PLSCR1: variants seen among roughly 807,000 people sequenced by gnomAD.
The protein encoded by PLSCR1 is phospholipid scramblase 1, also known as PL scramblase 1.
PLSCR1 carries 17 observed loss-of-function variants against 37.8 expected under a neutral mutation model. That is an observed-to-expected ratio of 0.45 (90% CI 0.31 to 0.68). The LOEUF (loss-of-function observed/expected upper bound fraction) is 0.68. Ranked by LOEUF, PLSCR1 falls within the 30% of genes least tolerant of loss-of-function variation. PLSCR1 has a pLI of 0.06. For synonymous variants in PLSCR1, 116 were observed against 125.9 expected (o/e 0.92, Z 0.53); for missense variants, 347 against 380.9 (o/e 0.91, Z 0.74).
chr3:146,540,896 TG>T (rs937373106), intron 1 of PLSCR1: 13 of 152,178 alleles, frequency 8.5e-5, no homozygotes, highest in African/African-American at 3.1e-4. Flanking sequence ...CCATGTCATT[TG>T]GGTTATGTTT....
chr3:146,543,793 G>A (rs2587007), intron 1 of PLSCR1, among the ~76,000 whole-genome samples: 32,842 of 152,136 alleles, frequency 0.22, 3,796 homozygotes, highest in African/African-American at 0.31. Context: ...CAATTTCAGA[G>A]ATGAGGCAAT....
intron 3 of PLSCR1, 118 bp downstream of exon 3, chr3:146,533,352 A>C: frequency 2.1e-6 from 1 of 487,084 alleles, no homozygotes. Context: ...AAAAAGAACT[A>C]CTAAAATAAA....
Position 146,528,816 on chromosome 3 carries a change from C to A in PLSCR1, c.110G>T (p.Ser37Ile). ...GCTGACCTGGGGCCCAGGGTAGCCA[C>A]TATATCCTGGAGGTCCTGAAATACA... The part of the protein sequence containing the change: ...PTAFQGPPGY[S>I]GYPGPQVSYP... Residue 37 changes from serine (S) to isoleucine (I), a missense_variant, in exon 4 of 9, where the codon AGT (serine) becomes ATT (isoleucine). Ser to Ile is a moderately radical substitution (Grantham distance 142). Coordinates refer to ENST00000342435, the MANE Select transcript of PLSCR1 (RefSeq NM_021105.3). 1 of 1,613,512 alleles carries A rather than the reference C, an allele frequency of 6.2e-7. No individual in the cohort carries two copies. Among genetic ancestry groups the A allele is most frequent in the Non-Finnish European group, 8.5e-7 (1 of 1,179,646 alleles).
chr3:146,526,139 C>T (rs1210249752), intron 4 of PLSCR1, among the ~76,000 whole-genome samples: 4 of 134,018 alleles, frequency 3.0e-5, no homozygotes, highest in Admixed American at 1.7e-4. Flanking sequence ...GCCGAGATCG[C>T]GCTACTGCAC....
chr3:146,526,183 CAAAAAAAAAA>C (rs60229241), intron 4 of PLSCR1, among the ~76,000 whole-genome samples: 1 of 42,822 alleles, frequency 2.3e-5, no homozygotes, highest in African/African-American at 9.7e-5. Context: ...GACTCCATCT[CAAAAAAAAAA>C]AAAAAAAAAA....
Position 146,533,559 on chromosome 3 carries a change from CA to C in PLSCR1, c.14-10del. 1 of 1,561,568 alleles carries C rather than the reference CA, an allele frequency of 6.4e-7. No individual in the cohort carries two copies. ...AGCATTCATCTGTGAGTCTGCAATT[CA>C]AGGAGAGGTAAATAGATGTCTGATT... On this transcript the variant is annotated splice_polypyrimidine_tract_variant and intron_variant, in intron 2 of 8. Transcript: ENST00000342435.
chr3:146,517,102 T>G lies in PLSCR1; in HGVS notation c.804A>C (p.Arg268Ser). ...KISKHWTGIL[R>S]EAFTDADNFG... ...AGTTATCAGCGTCTGTAAATGCCTCTCTCAAAATTCCAGTCCAGTGCTTGG... is the reference window on the plus strand; with the variant it reads ...AGTTATCAGCGTCTGTAAATGCCTCGCTCAAAATTCCAGTCCAGTGCTTGG... Residue 268 changes from arginine to serine, a missense_variant, in exon 8 of 9, where the codon AGA (arginine) becomes AGC (serine). By Grantham distance (110) the Arg-to-Ser change is moderately radical. Transcript: ENST00000342435. 1 of 1,600,908 alleles carries G rather than the reference T, an allele frequency of 6.2e-7. No individual in the cohort carries two copies. The highest frequency in any genetic ancestry group is 8.5e-7 in the Non-Finnish European group (1 of 1,172,556).
At chr3:146,521,471 T>C (rs1408655480) in intron 7 of PLSCR1, 73 bp downstream of exon 7, 1 of 1,292,110 alleles carries the variant, frequency 7.7e-7, no homozygotes, top group Non-Finnish European at 1.1e-6. Flanking sequence ...TTAATGCATT[T>C]ATAATGTCCT....
chr3:146,521,850 GACA>G lies in PLSCR1; in HGVS notation c.556_558del (p.Cys186del). 3 of 1,612,236 alleles carry G rather than the reference GACA, an allele frequency of 1.9e-6. No homozygotes were observed. The highest frequency in any genetic ancestry group is 8.5e-7 in the Non-Finnish European group (1 of 1,178,398). On this transcript the variant is annotated inframe_deletion, in exon 6 of 9. Coordinates refer to ENST00000342435, the MANE Select transcript of PLSCR1 (RefSeq NM_021105.3). Reference sequence around the variant, plus strand: ...TCACAGACCTCCTGAAGGCAGCAGGGACAACAACAGCTGCTACATCTTAGTGGT... The same window carrying G: ...TCACAGACCTCCTGAAGGCAGCAGGGACAACAGCTGCTACATCTTAGTGGT...
At position 146,539,866 on chromosome 3, in the gene PLSCR1, A is replaced by G. The variant is rs187646726; in HGVS notation, c.-13-3301T>C. On this transcript the variant is annotated intron_variant, in intron 1 of 8. Coordinates refer to ENST00000342435, the MANE Select transcript of PLSCR1 (RefSeq NM_021105.3). ...AATGTTAAGTGTTCCTTGTACCTGT[A>G]CATGTGCCAAGTAGATAAGGCACTG... Among the ~76,000 whole-genome samples the G allele has an allele frequency of 2.6e-3, 396 of 152,320 alleles. 2 individuals are homozygous for G. Among genetic ancestry groups the G allele is most frequent in the East Asian group, 7.4e-3 (38 of 5,170 alleles).
At chr3:146,529,377 G>A (rs1013816514) in intron 3 of PLSCR1, among the ~76,000 whole-genome samples, 11 of 152,128 alleles carry the variant, frequency 7.2e-5, no homozygotes, top group Admixed American at 6.5e-4. Context: ...AGATAATACT[G>A]CATCTGGTGG....
chr3:146,521,171 A>C (rs896184395), intron 7 of PLSCR1, among the ~76,000 whole-genome samples: 4 of 152,202 alleles, frequency 2.6e-5, no homozygotes, highest in Non-Finnish European at 4.4e-5. Context: ...GCATTGGCAG[A>C]TGATATTTCA....
chr3:146,519,584 G>A (rs431840), intron 7 of PLSCR1, among the ~76,000 whole-genome samples: 61,280 of 151,514 alleles, frequency 0.4, 13,585 homozygotes, highest in African/African-American at 0.58. Flanking sequence ...TTCAATTACT[G>A]TCTGTTTGCT....
At chr3:146,540,965 T>C (rs2044330613) in intron 1 of PLSCR1, 1 of 152,270 alleles carries the variant, frequency 6.6e-6, no homozygotes, top group Middle Eastern at 3.4e-3. Flanking sequence ...GGAAAAATAT[T>C]CATCTGTTGA....
intron 1 of PLSCR1, among the ~76,000 whole-genome samples, chr3:146,540,602 AT>A (rs2044326475): frequency 6.6e-6 from 1 of 152,198 alleles, no homozygotes; most frequent in Non-Finnish European, 1.5e-5. Flanking sequence ...CCCACACCAG[AT>A]TTGGATTATT....
At chr3:146,534,226 C>T (rs1323211061) in intron 2 of PLSCR1, among the ~76,000 whole-genome samples, 2 of 152,120 alleles carry the variant, frequency 1.3e-5, no homozygotes, top group Non-Finnish European at 2.9e-5. Flanking sequence ...TCTAGTCATT[C>T]GGTTACCTAC....
At chr3:146,524,550 T>C (rs1431704943) in intron 5 of PLSCR1, among the ~76,000 whole-genome samples, 1 of 151,756 alleles carries the variant, frequency 6.6e-6, no homozygotes, top group Admixed American at 6.6e-5. Flanking sequence ...ATAAAGCCTA[T>C]AAATCTACAA....
intron 7 of PLSCR1, 30 bp downstream of exon 7, chr3:146,521,514 A>G (rs2044019179): frequency 6.3e-7 from 1 of 1,588,300 alleles, no homozygotes; most frequent in Non-Finnish European, 8.6e-7. Context: ...TTAGGAAAGC[A>G]AATCTTATAA....
At position 146,525,614 on chromosome 3, in the gene PLSCR1, G is replaced by T. The variant is rs756720371; in HGVS notation, c.346C>A (p.Leu116Ile). ...AACAATGAATACATACCTTCCAGAAGTTCAATTTGCTGATGAATCAGTATC... is the reference window on the plus strand; with the variant it reads ...AACAATGAATACATACCTTCCAGAATTTCAATTTGCTGATGAATCAGTATC... ...DQILIHQQIE[L>I]LEVLTGFETN... Residue 116 changes from leucine to isoleucine, a missense_variant, in exon 5 of 9, where the codon CTT becomes ATT. Physicochemically the swap from Leu to Ile is conservative, Grantham distance 5 (BLOSUM62 2). Coordinates refer to ENST00000342435, the MANE Select transcript of PLSCR1 (RefSeq NM_021105.3). 2 of 1,507,374 alleles carry T rather than the reference G, an allele frequency of 1.3e-6. No individual in the cohort carries two copies. Among genetic ancestry groups the T allele is most frequent in the Admixed American group, 1.7e-5 (1 of 57,732 alleles). The allele number at this position is 1,507,374 out of a possible 1,614,324, so 93.4% of individuals were successfully genotyped here. A position where few individuals can be genotyped will look rare whatever the true frequency, so the allele number is the denominator to read the frequency against.
Sources: allele counts gnomAD v4.1 joint callset (sites outside exome capture counted in the v4.1 genomes callset), GRCh38; gene constraint gnomAD v4.1.1; transcripts MANE v1.5; gene names NCBI Gene and HGNC (gene_info 2026-07-23, HGNC 2026-07-21).